FAM13C: variants seen among roughly 807,000 people sequenced by gnomAD.
The protein encoded by FAM13C is protein FAM13C.
Under a neutral mutation model 73.2 loss-of-function variants are expected in FAM13C, and 37 were observed. That is an observed-to-expected ratio of 0.51 (90% confidence interval 0.39 to 0.67). The LOEUF (loss-of-function observed/expected upper bound fraction) is 0.67, where lower values mean the gene tolerates loss of function less well. Ranked by LOEUF, FAM13C falls within the 30% of genes least tolerant of loss-of-function variation. The pLI, the probability that FAM13C is intolerant of heterozygous loss-of-function variation, is 0.00. For missense variants in FAM13C, 589 were observed against 715.6 expected (o/e 0.82, Z 2.02); for synonymous variants, 246 against 260.9 (o/e 0.94, Z 0.55).
At chr10:59,306,915 G>A (rs1220749557) in intron 4 of FAM13C, among the ~76,000 whole-genome samples, 1 of 152,144 alleles carries the variant, frequency 6.6e-6, no homozygotes, top group African/African-American at 2.4e-5. Context: ...TGAGAAACTG[G>A]AGAGTTAGAG....
chr10:59,276,811 T>C (rs1844368567), intron 6 of FAM13C, among the ~76,000 whole-genome samples: 1 of 152,188 alleles, frequency 6.6e-6, no homozygotes, highest in Non-Finnish European at 1.5e-5. Context: ...CGCCAAAGAT[T>C]GTTTTAAAAC....
chr10:59,301,721 T>A (rs1237471593), intron 5 of FAM13C, among the ~76,000 whole-genome samples: 1 of 152,240 alleles, frequency 6.6e-6, no homozygotes, highest in Non-Finnish European at 1.5e-5. Context: ...GCCTCTTTTC[T>A]CTTAAACTCT....
chr10:59,262,948 A>T (rs1842662590), intron 9 of FAM13C, among the ~76,000 whole-genome samples: 1 of 152,064 alleles, frequency 6.6e-6, no homozygotes. Flanking sequence ...GCCTGGCCCC[A>T]CCTGCCATGT....
At chr10:59,330,820 T>C (rs978038669) in intron 3 of FAM13C, among the ~76,000 whole-genome samples, 1 of 151,980 alleles carries the variant, frequency 6.6e-6, no homozygotes, top group African/African-American at 2.4e-5. Flanking sequence ...AAAAGGCAAA[T>C]AGTTTCTGAT....
intron 5 of FAM13C, among the ~76,000 whole-genome samples, chr10:59,289,909 G>C (rs1468995138): frequency 1.3e-5 from 2 of 152,104 alleles, no homozygotes; most frequent in Non-Finnish European, 2.9e-5. Flanking sequence ...CAGACTGCTA[G>C]TGCTTTTCCT....
At chr10:59,314,715 T>C (rs1849323890) in intron 4 of FAM13C, among the ~76,000 whole-genome samples, 2 of 152,152 alleles carry the variant, frequency 1.3e-5, no homozygotes, top group African/African-American at 2.4e-5. Context: ...TGGGTCTTGA[T>C]ATTTCCCTTG....
intron 8 of FAM13C, among the ~76,000 whole-genome samples, chr10:59,265,328 G>A (rs1226726348): frequency 4.1e-5 from 2 of 48,914 alleles, no homozygotes; most frequent in African/African-American, 1.5e-4. Context: ...TTGGCGGGGG[G>A]GGGGGGGAAT....
intron 4 of FAM13C, among the ~76,000 whole-genome samples, chr10:59,304,852 A>AG (rs1848071972): frequency 3.2e-4 from 11 of 34,632 alleles, no homozygotes; most frequent in Middle Eastern, 0.023. Context: ...GGGGAGGGGG[A>AG]GGGGAAGGGA....
At chr10:59,249,888 T>C (rs1053198292) in intron 13 of FAM13C, among the ~76,000 whole-genome samples, 2 of 152,178 alleles carry the variant, frequency 1.3e-5, no homozygotes, top group Non-Finnish European at 2.9e-5. Flanking sequence ...CTAACTTCCC[T>C]GTATGTATGA....
chr10:59,274,789 T>A (rs540983730), intron 6 of FAM13C, among the ~76,000 whole-genome samples: 3 of 152,350 alleles, frequency 2.0e-5, no homozygotes, highest in African/African-American at 7.2e-5. Flanking sequence ...GAACATCTTT[T>A]ACTCTCCCTA....
chr10:59,350,532 G>A lies in FAM13C; in HGVS notation c.324+1738C>T, dbSNP rs374206243. On this transcript the variant is annotated intron_variant, in intron 3 of 13. Transcript: ENST00000618804. ...TGACTCTCCTAATTAGTTAGGTGCTGGAGTGCATTCAGTAATAATCTCAAG... is the reference window on the plus strand; with the variant it reads ...TGACTCTCCTAATTAGTTAGGTGCTAGAGTGCATTCAGTAATAATCTCAAG... 3.9e-5 allele frequency among the ~76,000 whole-genome samples: 6 copies of A among 152,288 alleles called. No individual in the cohort carries two copies. In the East Asian group the frequency reaches 5.8e-4, roughly 15 times the overall value.
intron 3 of FAM13C, among the ~76,000 whole-genome samples, chr10:59,340,105 T>A (rs1853294655): frequency 6.6e-6 from 1 of 152,196 alleles, no homozygotes; most frequent in Admixed American, 6.5e-5. Context: ...TGCAATCAGA[T>A]GCTGTAATAA....
chr10:59,352,161 T>C, intron 3 of FAM13C, 109 bp downstream of exon 3: 1 of 1,266,100 alleles, frequency 7.9e-7, no homozygotes, highest in Non-Finnish European at 1.1e-6. Context: ...TGACAAGTCG[T>C]GCCAATCCCC....
At position 59,252,464 on chromosome 10, in the gene FAM13C, G is replaced by A. The variant is rs541873882; in HGVS notation, c.1532+335C>T. Among the ~76,000 whole-genome samples, 8 of 152,056 alleles carry A rather than the reference G, an allele frequency of 5.3e-5. No homozygotes were observed. The East Asian group carries it at 1.2e-3, about 22-fold the overall frequency. On this transcript the variant is annotated intron_variant, in intron 12 of 13. Transcript: ENST00000618804. The stretch of plus-strand genomic sequence containing the variant: ...TAAATTAAATCTCATAATCTGGGCT[G>A]TAAGATACAAACCAAAGAAGGCCAA...
intron 3 of FAM13C, among the ~76,000 whole-genome samples, chr10:59,327,253 A>T (rs1234718968): frequency 2.0e-5 from 3 of 152,240 alleles, no homozygotes; most frequent in Non-Finnish European, 2.9e-5. Flanking sequence ...AAGACAGAAG[A>T]AATGGGGATA....
intron 8 of FAM13C, among the ~76,000 whole-genome samples, chr10:59,266,669 A>C (rs1002036676): frequency 6.6e-6 from 1 of 152,126 alleles, no homozygotes; most frequent in African/African-American, 2.4e-5. Context: ...ATTTAAGTCT[A>C]TGTTTGTGTG....
Position 59,247,512 on chromosome 10 carries a change from G to T in FAM13C, c.*102C>A. ...AAACAGCTAATACTACCACTAAAGT[G>T]CTTCCATTTTCATTGTGTCAAAACT... On this transcript the variant is annotated 3_prime_UTR_variant, in exon 14 of 14. Coordinates refer to ENST00000618804, the MANE Select transcript of FAM13C (RefSeq NM_198215.4). The T allele has an allele frequency of 2.1e-6, 3 of 1,423,352 alleles. 1 individual carries two copies. Among genetic ancestry groups the T allele is most frequent in the South Asian group, 2.4e-5 (2 of 83,568 alleles). 88.2% of individuals were successfully genotyped at this position (1,423,352 alleles called of 1,614,324 possible).
intron 5 of FAM13C, among the ~76,000 whole-genome samples, chr10:59,301,612 T>G (rs553033419): frequency 6.6e-6 from 1 of 152,346 alleles, no homozygotes; most frequent in South Asian, 2.1e-4. Context: ...ACCTCATTTT[T>G]CTAGTCACTT....
At chr10:59,327,828 C>T (rs964942780) in intron 3 of FAM13C, 1 of 152,148 alleles carries the variant, frequency 6.6e-6, no homozygotes, top group African/African-American at 2.4e-5. Context: ...CCCCAAAGAA[C>T]TTTAAAATCT....
Sources: allele counts gnomAD v4.1 joint callset (sites outside exome capture counted in the v4.1 genomes callset), GRCh38; gene constraint gnomAD v4.1.1; transcripts MANE v1.5; gene names NCBI Gene and HGNC (gene_info 2026-07-23, HGNC 2026-07-21).